The following FOXN1 variants were observed in gnomAD, a reference collection of about 807,000 sequenced individuals.
FOXN1 encodes the protein forkhead box protein N1.
In FOXN1, 15 loss-of-function variants were observed where a neutral mutation model predicts 49.0. The observed-to-expected ratio is 0.31, with a 90% CI of 0.20 to 0.47. The LOEUF is 0.47. Ranked by LOEUF, FOXN1 falls within the 20% of genes least tolerant of loss-of-function variation. The probability of loss-of-function intolerance (pLI) is 1.00; values close to 1 mark genes in which losing one functional copy is unlikely to be tolerated. For missense variants in FOXN1, 800 were observed against 842.8 expected, an observed-to-expected ratio of 0.95 and a Z score of 0.63; for synonymous variants, 356 against 369.0, an observed-to-expected ratio of 0.96 and a Z score of 0.40.
intron 1 of FOXN1, 65 bp from the exon 2 acceptor site, chr17:28,523,891 G>A: frequency 2.6e-6 from 4 of 1,563,328 alleles, no homozygotes; most frequent in Non-Finnish European, 2.6e-6. Flanking sequence ...GGTGGAGGTG[G>A]CGAACCTGGG....
intron 1 of FOXN1, among the ~76,000 whole-genome samples, chr17:28,518,120 A>C (rs1363755266): frequency 6.6e-6 from 1 of 151,692 alleles, no homozygotes; most frequent in African/African-American, 2.4e-5. Context: ...TCCACAGGGT[A>C]CACACCTCCA....
intron 1 of FOXN1, among the ~76,000 whole-genome samples, chr17:28,509,791 G>A (rs2069349803): frequency 6.6e-6 from 1 of 152,376 alleles, no homozygotes; most frequent in Middle Eastern, 3.4e-3. Flanking sequence ...CGGGGCCGGG[G>A]CAGGCTTTCT....
intron 3 of FOXN1, among the ~76,000 whole-genome samples, chr17:28,525,688 T>C (rs560443650): frequency 7.9e-4 from 120 of 152,216 alleles, no homozygotes; most frequent in African/African-American, 2.9e-3. Context: ...GGGCGTAGCC[T>C]CAGCAGTGCC....
intron 1 of FOXN1, among the ~76,000 whole-genome samples, chr17:28,513,008 G>T (rs981735984): frequency 6.6e-6 from 1 of 152,174 alleles, no homozygotes; most frequent in Non-Finnish European, 1.5e-5. Flanking sequence ...GCTTTGAGGG[G>T]TAGCATTTCT....
At chr17:28,508,295 C>T (rs1444162814) in intron 1 of FOXN1, among the ~76,000 whole-genome samples, 1 of 152,238 alleles carries the variant, frequency 6.6e-6, no homozygotes, top group African/African-American at 2.4e-5. Context: ...ACTGACGCCA[C>T]ATTGCCTCCA....
chr17:28,532,070 C>T (rs1168616807), intron 6 of FOXN1, among the ~76,000 whole-genome samples: 1 of 152,092 alleles, frequency 6.6e-6, no homozygotes. Context: ...ACCCCTAAAG[C>T]TTTTGGAGGG....
chr17:28,516,720 A>G (rs1232985493), intron 1 of FOXN1, among the ~76,000 whole-genome samples: 3 of 137,104 alleles, frequency 2.2e-5, no homozygotes, highest in East Asian at 2.3e-4. Context: ...CCTCCACAGG[A>G]TCCACACCTC....
At chr17:28,512,277 A>T (rs1383810906) in intron 1 of FOXN1, among the ~76,000 whole-genome samples, 2 of 152,174 alleles carry the variant, frequency 1.3e-5, no homozygotes, top group African/African-American at 4.8e-5. Flanking sequence ...GATTTCAGGG[A>T]ACTTTCTTCT....
chr17:28,537,802 C>T lies in FOXN1; in HGVS notation c.*366C>T. 2 of 369,924 alleles carry T rather than the reference C, an allele frequency of 5.4e-6. No homozygotes were observed. The allele number at this position is 369,924 out of a possible 1,614,324, so 22.9% of individuals were successfully genotyped here. A position where few individuals can be genotyped will look rare whatever the true frequency, so the allele number is the denominator to read the frequency against. On this transcript the variant is annotated 3_prime_UTR_variant, in exon 9 of 9. Coordinates refer to ENST00000579795, the MANE Select transcript of FOXN1 (RefSeq NM_001369369.1). Reference sequence around the variant, plus strand: ...TATCTTACAGCCAGAGGAACCAGCACTCCATCACTGAGAGCCCGACTTCGT... The same window carrying T: ...TATCTTACAGCCAGAGGAACCAGCATTCCATCACTGAGAGCCCGACTTCGT...
chr17:28,506,958 GC>G (rs1279429691), intron 1 of FOXN1, among the ~76,000 whole-genome samples: 1 of 152,222 alleles, frequency 6.6e-6, no homozygotes, highest in East Asian at 1.9e-4. Flanking sequence ...AGATGCCTGG[GC>G]CCATGCAGAG....
chr17:28,510,233 TC>T (rs1389147461), intron 1 of FOXN1, among the ~76,000 whole-genome samples: 11 of 149,838 alleles, frequency 7.3e-5, no homozygotes, highest in African/African-American at 2.2e-4. Flanking sequence ...CCTTCAGGGC[TC>T]CCCCCACTGC....
intron 4 of FOXN1, among the ~76,000 whole-genome samples, chr17:28,528,634 C>T (rs543995638): frequency 6.6e-5 from 10 of 152,276 alleles, no homozygotes; most frequent in African/African-American, 2.2e-4. Context: ...CCTACCCCGA[C>T]CTGTCCACCA....
At chr17:28,517,523 G>T (rs1247341231) in intron 1 of FOXN1, among the ~76,000 whole-genome samples, 1 of 144,554 alleles carries the variant, frequency 6.9e-6, no homozygotes, top group Admixed American at 6.9e-5. Context: ...CCTCCACAGG[G>T]TACATACCTC....
chr17:28,529,759 A>G (rs1256406042), intron 5 of FOXN1, among the ~76,000 whole-genome samples: 3 of 152,114 alleles, frequency 2.0e-5, no homozygotes, highest in African/African-American at 7.2e-5. Context: ...CAACAGTGAC[A>G]CTTGGCCAAA....
rs2069987465 is a variant in FOXN1, at chr17:28,534,088, G to A, written c.928-243G>A. ...GCAGTCCTCTGAGGGGTCAGGAAGG[G>A]ATGCGGGTGGGATGAAGGCAGATTT... is the stretch of plus-strand genomic sequence containing the variant. On this transcript the variant is annotated intron_variant, in intron 6 of 8. Coordinates refer to ENST00000579795, the MANE Select transcript of FOXN1 (RefSeq NM_001369369.1). The surrounding 1 kb of genome is among the most constrained non-coding windows in gnomAD (Gnocchi z 4.1). 6.6e-6 allele frequency among the ~76,000 whole-genome samples: 1 copy of A among 152,198 alleles called. No homozygotes were observed. The highest frequency in any genetic ancestry group is 6.5e-5 in the Admixed American group (1 of 15,276).
Position 28,527,995 on chromosome 17 carries a change from C to T in FOXN1, c.699+634C>T, listed in dbSNP as rs547423022. ...AGAAAGAAAAGAGCCCCAGAGCAGC[C>T]AGGCAGCTCCCAGGAGTCACCAGGC... On this transcript the variant is annotated intron_variant, in intron 4 of 8. Transcript: ENST00000579795. 4.6e-4 allele frequency among the ~76,000 whole-genome samples: 70 copies of T among 152,354 alleles called. 1 individual carries two copies. The highest frequency in any genetic ancestry group is 1.5e-3 in the African/African-American group (64 of 41,576).
chr17:28,509,508 G>A (rs782565171), intron 1 of FOXN1, among the ~76,000 whole-genome samples: 6 of 152,142 alleles, frequency 3.9e-5, no homozygotes, highest in Non-Finnish European at 5.9e-5. Flanking sequence ...CAGCATCCCC[G>A]CCAGGTTCTG....
In FOXN1 at chr17:28,537,285, C is replaced by G. The variant is rs755313232; in HGVS notation, c.1796C>G (p.Ala599Gly). The G allele has an allele frequency of 1.9e-6, 3 of 1,613,806 alleles. No individual in the cohort carries two copies. In the African/African-American group the frequency reaches 4.0e-5, roughly 22 times the overall value. Residue 599 changes from alanine (A) to glycine (G), a missense_variant, in exon 9 of 9, where the codon GCC (alanine) becomes GGC (glycine). Transcript: ENST00000579795. ...ETGSGAGDLA[A>G]PGSGGSGALG... The stretch of plus-strand genomic sequence containing the variant: ...GGCAGTGGGGCAGGTGACTTGGCAG[C>G]CCCGGGCAGTGGTGGCTCCGGGGCA...
In FOXN1 at chr17:28,537,697, G is replaced by A. The variant is rs2070106321; in HGVS notation, c.*261G>A. 1.7e-6 allele frequency: 1 copy of A among 585,236 alleles called. No homozygotes were observed. The allele number at this position is 585,236 out of a possible 1,614,324, so 36.3% of individuals were successfully genotyped here. A position where few individuals can be genotyped will look rare whatever the true frequency, so the allele number is the denominator to read the frequency against. ...GCAAGCGTCTGGGCAAGAGGAAAAT[G>A]CCCTGTCCCTAGCTCACACTCATCC... On this transcript the variant is annotated 3_prime_UTR_variant, in exon 9 of 9. Transcript: ENST00000579795.
Sources: gnomAD v4.1 joint callset for allele counts (sites outside exome capture counted in the v4.1 genomes callset) on GRCh38, gnomAD v4.1.1 for gene constraint, Gnocchi (gnomAD v3.1) non-coding constraint, MANE v1.5 for transcripts, NCBI Gene and HGNC (gene_info 2026-07-23, HGNC 2026-07-21) for gene names.